The following STK17A variants were observed in gnomAD, a reference collection of about 807,000 sequenced individuals.
STK17A encodes the protein serine/threonine-protein kinase 17A.
Under a neutral mutation model 43.7 loss-of-function variants are expected in STK17A, and 26 were observed. The observed-to-expected ratio is 0.60, with a 90% CI of 0.44 to 0.83. STK17A has a LOEUF of 0.83. STK17A is among the 40% of genes least tolerant of loss of function. The probability of loss-of-function intolerance (pLI) is 0.00; values close to 1 mark genes in which losing one functional copy is unlikely to be tolerated. For synonymous variants in STK17A, 191 were observed against 182.5 expected (o/e 1.05, Z -0.38); for missense variants, 476 against 511.6 (o/e 0.93, Z 0.67).
chr7:43,612,407 C>G (rs528265841), intron 3 of STK17A, among the ~76,000 whole-genome samples: 1 of 152,332 alleles, frequency 6.6e-6, no homozygotes, highest in Admixed American at 6.5e-5. Context: ...GTCTGCTGTC[C>G]TCTGTCTTCG....
At chr7:43,609,285 C>T (rs1324714864) in intron 3 of STK17A, 1 of 152,254 alleles carries the variant, frequency 6.6e-6, no homozygotes, top group South Asian at 2.1e-4. Context: ...ACAGCTCTGT[C>T]CAAAGTTCTG....
intron 2 of STK17A, among the ~76,000 whole-genome samples, chr7:43,607,156 C>G (rs551448229): frequency 4.0e-5 from 6 of 151,768 alleles, no homozygotes; most frequent in Non-Finnish European, 2.9e-5. Context: ...TTCCTGATCT[C>G]AGGTGATCTG....
At chr7:43,618,276 T>A (rs12702054) in intron 3 of STK17A, among the ~76,000 whole-genome samples, 22,309 of 152,140 alleles carry the variant, frequency 0.15, 2,183 homozygotes, top group Non-Finnish European at 0.21. Flanking sequence ...GAATTGGTTC[T>A]TTATTGAGAC....
At chr7:43,614,368 A>G (rs1282596910) in intron 3 of STK17A, among the ~76,000 whole-genome samples, 1 of 152,168 alleles carries the variant, frequency 6.6e-6, no homozygotes, top group Admixed American at 6.5e-5. Context: ...TATATTTTAA[A>G]TAGAACTAGA....
intron 3 of STK17A, among the ~76,000 whole-genome samples, chr7:43,616,087 A>G (rs2152994848): frequency 6.6e-6 from 1 of 152,352 alleles, no homozygotes; most frequent in Admixed American, 6.5e-5. Flanking sequence ...CCCAGGGCCT[A>G]GCTCATTAGG....
intron 3 of STK17A, among the ~76,000 whole-genome samples, chr7:43,613,777 G>A (rs567547176): frequency 2.0e-5 from 3 of 152,284 alleles, no homozygotes; most frequent in East Asian, 1.9e-4. Flanking sequence ...TCAGGAGTTC[G>A]AGGCTGCAGT....
At chr7:43,612,726 G>A (rs1374426170) in intron 3 of STK17A, among the ~76,000 whole-genome samples, 1 of 152,050 alleles carries the variant, frequency 6.6e-6, no homozygotes, top group Non-Finnish European at 1.5e-5. Flanking sequence ...CTTTGGTGCA[G>A]AGCCTGAATG....
chr7:43,620,673 C>CAA (rs34416780), intron 4 of STK17A, among the ~76,000 whole-genome samples: 2,546 of 131,206 alleles, frequency 0.019, 75 homozygotes, highest in African/African-American at 0.07. Context: ...GACTCCGTCT[C>CAA]AAAAAAAAAA....
rs144785063 is a variant in STK17A, at chr7:43,623,617, T to A, written c.737T>A (p.Met246Lys). 6.2e-7 allele frequency: 1 copy of A among 1,611,290 alleles called. No individual in the cohort carries two copies. The highest frequency in any genetic ancestry group is 8.5e-7 in the Non-Finnish European group (1 of 1,178,916). The part of the protein sequence containing the change: ...SYDPISMATD[M>K]WSIGVLTYVM... ...GATCCTATAAGCATGGCAACAGATA[T>A]GTGGTAAGAGTTATTAATGAAAAAT... Residue 246 changes from methionine to lysine, a missense_variant, in exon 5 of 7, where the codon ATG becomes AAG. By Grantham distance (95) the Met-to-Lys change is moderately conservative. Around this residue, in one of 3 missense-constraint regions of STK17A, gnomAD observed 320 missense variants for 326.3 expected, o/e 0.98. Transcript: ENST00000319357.
chr7:43,600,635 C>T (rs149662648), intron 2 of STK17A, among the ~76,000 whole-genome samples: 158 of 152,158 alleles, frequency 1.0e-3, no homozygotes, highest in African/African-American at 3.5e-3. Context: ...TAAACAAAAG[C>T]GATATTCATT....
At chr7:43,606,346 GC>G (rs1479693308) in intron 2 of STK17A, among the ~76,000 whole-genome samples, 1 of 152,162 alleles carries the variant, frequency 6.6e-6, no homozygotes, top group East Asian at 1.9e-4. Flanking sequence ...GAGGCGGGAA[GC>G]TATGATACAG....
At position 43,608,285 on chromosome 7, in the gene STK17A, G is replaced by A. The variant is rs1047522353; in HGVS notation, c.449G>A (p.Cys150Tyr). The change falls in exon 3 of 7, where the codon TGT becomes TAT. Residue 150 changes from cysteine (C) to tyrosine (Y), a missense_variant. Cys to Tyr is a radical substitution (Grantham distance 194). Transcript: ENST00000319357. ...YAAGGEIFDQ[C>Y]VADREEAFKE... is the part of the protein sequence containing the mutation. ...GCTGGGGGTGAAATCTTTGACCAGT[G>A]TGTTGCAGACAGAGAAGAAGCCTTT... The A allele has an allele frequency of 2.5e-6, 4 of 1,613,864 alleles. No individual in the cohort carries two copies. The highest frequency in any genetic ancestry group is 1.3e-5 in the African/African-American group (1 of 75,036).
intron 4 of STK17A, among the ~76,000 whole-genome samples, chr7:43,621,497 TGA>T (rs1371033808): frequency 6.6e-6 from 1 of 152,210 alleles, no homozygotes; most frequent in Non-Finnish European, 1.5e-5. Flanking sequence ...TGTTGTTGTT[TGA>T]GAGAGTCTCA....
chr7:43,587,792 T>C (rs2082453574), intron 1 of STK17A, among the ~76,000 whole-genome samples: 1 of 151,650 alleles, frequency 6.6e-6, no homozygotes, highest in South Asian at 2.1e-4. Flanking sequence ...GGTAATCTGA[T>C]ACTTTGGATA....
chr7:43,606,441 G>C (rs1453228753), intron 2 of STK17A, among the ~76,000 whole-genome samples: 1 of 152,168 alleles, frequency 6.6e-6, no homozygotes, highest in Non-Finnish European at 1.5e-5. Flanking sequence ...TTGGTCAAAA[G>C]ATAATCATCT....
chr7:43,607,037 C>T (rs2082603523), intron 2 of STK17A, among the ~76,000 whole-genome samples: 1 of 147,562 alleles, frequency 6.8e-6, no homozygotes, highest in Admixed American at 7.0e-5. Context: ...GATTCTCCTG[C>T]CTCAGCCTCC....
chr7:43,601,312 A>C (rs1296846686), intron 2 of STK17A, among the ~76,000 whole-genome samples: 1 of 152,238 alleles, frequency 6.6e-6, no homozygotes, highest in Non-Finnish European at 1.5e-5. Context: ...CGAACATGAG[A>C]AGCACAAAAG....
intron 1 of STK17A, among the ~76,000 whole-genome samples, chr7:43,587,817 G>C (rs1043809410): frequency 4.0e-5 from 6 of 151,640 alleles, no homozygotes; most frequent in African/African-American, 1.4e-4. Context: ...AAAGAAAATT[G>C]GCCATATTTG....
intron 1 of STK17A, among the ~76,000 whole-genome samples, chr7:43,592,388 A>G (rs1202624157): frequency 7.0e-6 from 1 of 143,610 alleles, no homozygotes. Flanking sequence ...CAAATTGAAC[A>G]GCCATAGGGC....
Sources: allele counts gnomAD v4.1 joint callset (sites outside exome capture counted in the v4.1 genomes callset), GRCh38; gene constraint gnomAD v4.1.1; regional missense constraint gnomAD v4.1.1; transcripts MANE v1.5; gene names NCBI Gene and HGNC (gene_info 2026-07-23, HGNC 2026-07-21).